Variants in ZNF521 observed in about 807,000 individuals in gnomAD.
ZNF521 encodes zinc finger protein 521.
Under a neutral mutation model 105.5 loss-of-function variants are expected in ZNF521, and 14 were observed. The observed-to-expected ratio is 0.13, with a 90% CI of 0.09 to 0.21. ZNF521 has a LOEUF of 0.21. Ranked by LOEUF, ZNF521 falls within the 10% of genes least tolerant of loss-of-function variation. The probability of loss-of-function intolerance (pLI) is 1.00; values close to 1 mark genes in which losing one functional copy is unlikely to be tolerated. For synonymous variants in ZNF521, 635 were observed against 606.0 expected (o/e 1.05, Z -0.70); for missense variants, 1,233 against 1,629.7 (o/e 0.76, Z 4.19).
At chr18:25,140,777 G>C (rs1032827837) in intron 5 of ZNF521, among the ~76,000 whole-genome samples, 1 of 152,132 alleles carries the variant, frequency 6.6e-6, no homozygotes, top group Non-Finnish European at 1.5e-5. Context: ...CATTCCTGAA[G>C]ATTTTTTAGT....
At chr18:25,100,603 A>G (rs896238680) in intron 5 of ZNF521, among the ~76,000 whole-genome samples, 4 of 152,036 alleles carry the variant, frequency 2.6e-5, no homozygotes, top group African/African-American at 7.2e-5. Flanking sequence ...AAAAATCACA[A>G]TACTGCATGC....
intron 2 of ZNF521, among the ~76,000 whole-genome samples, chr18:25,331,708 C>G (rs191984168): frequency 6.6e-6 from 1 of 152,270 alleles, no homozygotes; most frequent in African/African-American, 2.4e-5. Flanking sequence ...TTAACTATCT[C>G]AACAATTGCT....
chr18:25,288,037 G>GC (rs544507566), intron 3 of ZNF521, among the ~76,000 whole-genome samples: 33 of 151,804 alleles, frequency 2.2e-4, no homozygotes, highest in Admixed American at 1.6e-3. Flanking sequence ...TACTGAAAAT[G>GC]CCCCCCCAAT....
At chr18:25,262,763 GTCACCT>G (rs1908996465) in intron 3 of ZNF521, among the ~76,000 whole-genome samples, 10 of 152,178 alleles carry the variant, frequency 6.6e-5, no homozygotes, top group Admixed American at 6.5e-4. Context: ...ATAAGAAGGA[GTCACCT>G]ACACCTGTCA....
chr18:25,342,337 T>C (rs1430432192), intron 2 of ZNF521, among the ~76,000 whole-genome samples: 1 of 152,192 alleles, frequency 6.6e-6, no homozygotes, highest in African/African-American at 2.4e-5. Flanking sequence ...ATGATTCTGT[T>C]TTGGCTTCAT....
At chr18:25,159,318 T>A (rs2144516277) in intron 5 of ZNF521, among the ~76,000 whole-genome samples, 1 of 152,372 alleles carries the variant, frequency 6.6e-6, no homozygotes, top group Admixed American at 6.5e-5. Flanking sequence ...ATTTATTTGC[T>A]ATGTTGCCCA....
chr18:25,121,034 A>C (rs1293676537), intron 5 of ZNF521, among the ~76,000 whole-genome samples: 1 of 152,130 alleles, frequency 6.6e-6, no homozygotes, highest in Non-Finnish European at 1.5e-5. Context: ...TTTTGGAGAA[A>C]AATCCAAAAC....
At chr18:25,242,470 G>A (rs1326900898) in intron 3 of ZNF521, among the ~76,000 whole-genome samples, 1 of 151,956 alleles carries the variant, frequency 6.6e-6, no homozygotes, top group Non-Finnish European at 1.5e-5. Flanking sequence ...AACTTTCATG[G>A]CATATATATT....
At chr18:25,339,076 G>C (rs1914054873) in intron 2 of ZNF521, among the ~76,000 whole-genome samples, 3 of 152,212 alleles carry the variant, frequency 2.0e-5, no homozygotes, top group South Asian at 2.1e-4. Flanking sequence ...AATATGGCCA[G>C]AACTTGCACA....
At chr18:25,148,522 TA>T (rs1295204931) in intron 5 of ZNF521, among the ~76,000 whole-genome samples, 1 of 152,196 alleles carries the variant, frequency 6.6e-6, no homozygotes, top group Non-Finnish European at 1.5e-5. Context: ...TGCTTTCTTT[TA>T]AGTATAAATA....
intron 4 of ZNF521, among the ~76,000 whole-genome samples, chr18:25,213,772 A>C (rs1400936356): frequency 6.6e-6 from 1 of 152,130 alleles, no homozygotes; most frequent in East Asian, 1.9e-4. Context: ...TGGAGGAAAG[A>C]TTTTCAACAA....
chr18:25,286,960 C>T (rs1910740432), intron 3 of ZNF521, among the ~76,000 whole-genome samples: 1 of 152,182 alleles, frequency 6.6e-6, no homozygotes, highest in Admixed American at 6.5e-5. Context: ...TTGCTGAAGA[C>T]ATCTTTAGAA....
intron 3 of ZNF521, among the ~76,000 whole-genome samples, chr18:25,288,399 A>G (rs1395533431): frequency 6.6e-6 from 1 of 152,136 alleles, no homozygotes; most frequent in Non-Finnish European, 1.5e-5. Flanking sequence ...AGTCTCTGAC[A>G]GGGCTAGCCT....
At chr18:25,245,014 T>C (rs28478825) in intron 3 of ZNF521, among the ~76,000 whole-genome samples, 1 of 152,196 alleles carries the variant, frequency 6.6e-6, no homozygotes, top group South Asian at 2.1e-4. Flanking sequence ...AGATAATCTA[T>C]TTATAAGCTG....
At chr18:25,310,706 T>C (rs141847302) in intron 3 of ZNF521, among the ~76,000 whole-genome samples, 16 of 152,274 alleles carry the variant, frequency 1.1e-4, no homozygotes, top group African/African-American at 3.8e-4. Context: ...TTTTGAACAT[T>C]TGCCCATTTG....
At chr18:25,073,376 C>G (rs1296383842) in intron 7 of ZNF521, among the ~76,000 whole-genome samples, 1 of 152,210 alleles carries the variant, frequency 6.6e-6, no homozygotes. Flanking sequence ...AATCATATCA[C>G]TTGGTCAAGA....
At chr18:25,158,403 T>C (rs898415336) in intron 5 of ZNF521, among the ~76,000 whole-genome samples, 12 of 152,082 alleles carry the variant, frequency 7.9e-5, no homozygotes, top group Admixed American at 4.6e-4. Flanking sequence ...TTTTAATTAA[T>C]TTAAATTTTA....
chr18:25,086,002 G>A (rs544230921), intron 7 of ZNF521, among the ~76,000 whole-genome samples: 6 of 152,160 alleles, frequency 3.9e-5, no homozygotes, highest in Admixed American at 3.9e-4. Flanking sequence ...TAATAGGATT[G>A]CAGTTCTTAG....
intron 3 of ZNF521, among the ~76,000 whole-genome samples, chr18:25,266,473 G>A (rs1909258775): frequency 6.6e-6 from 1 of 152,078 alleles, no homozygotes; most frequent in African/African-American, 2.4e-5. Context: ...TGGCTGAACA[G>A]GAACAGGTCC....
Sources: allele counts gnomAD v4.1 joint callset (sites outside exome capture counted in the v4.1 genomes callset), GRCh38; gene constraint gnomAD v4.1.1; transcripts MANE v1.5; gene names NCBI Gene and HGNC (gene_info 2026-07-23, HGNC 2026-07-21).